The following ANKDD1B variants were observed in gnomAD, a reference collection of about 807,000 sequenced individuals.
The protein encoded by ANKDD1B is ankyrin repeat and death domain-containing protein 1B.
ANKDD1B carries 57 observed loss-of-function variants against 59.7 expected under a neutral mutation model. The ratio of observed to expected loss-of-function variants is 0.95; its 90% CI spans 0.77 to 1.19. The LOEUF (loss-of-function observed/expected upper bound fraction) is 1.19. Among genes scored for constraint, ANKDD1B ranks in the 50% most tolerant of loss-of-function variants. The pLI, the probability that ANKDD1B is intolerant of heterozygous loss-of-function variation, is 0.00. For synonymous variants in ANKDD1B, 216 were observed against 239.5 expected (o/e 0.90, Z 0.91); for missense variants, 602 against 641.9 (o/e 0.94, Z 0.67).
At chr5:75,661,415 A>AAAAAAAAAG (rs1775146249) in intron 10 of ANKDD1B, among the ~76,000 whole-genome samples, 2 of 138,346 alleles carry the variant, frequency 1.4e-5, no homozygotes, top group East Asian at 4.1e-4. Context: ...AAAAAAAAAA[A>AAAAAAAAAG]AAAAAAAAAA....
chr5:75,656,778 G>C (rs1774990420), intron 9 of ANKDD1B, among the ~76,000 whole-genome samples: 1 of 152,228 alleles, frequency 6.6e-6, no homozygotes, highest in Non-Finnish European at 1.5e-5. Context: ...AGCCTTTCCA[G>C]GGTCCCGAGG....
intron 1 of ANKDD1B, among the ~76,000 whole-genome samples, chr5:75,616,553 G>A (rs1001428064): frequency 1.3e-5 from 2 of 152,168 alleles, no homozygotes; most frequent in African/African-American, 4.8e-5. Context: ...CTTCAGGGTG[G>A]TCCTCATGAA....
At chr5:75,629,106 T>G (rs909022100) in intron 5 of ANKDD1B, among the ~76,000 whole-genome samples, 22 of 151,954 alleles carry the variant, frequency 1.4e-4, no homozygotes, top group Admixed American at 5.2e-4. Flanking sequence ...GGATAGTGAG[T>G]AGAAGGGGAC....
intron 10 of ANKDD1B, among the ~76,000 whole-genome samples, chr5:75,661,104 A>G (rs146767564): frequency 1.3e-5 from 2 of 151,654 alleles, no homozygotes; most frequent in Admixed American, 6.6e-5. Flanking sequence ...TCATAAAAAA[A>G]GTAACACAGA....
chr5:75,663,765 G>A (rs967331688), intron 11 of ANKDD1B, among the ~76,000 whole-genome samples: 2 of 152,222 alleles, frequency 1.3e-5, no homozygotes, highest in Non-Finnish European at 2.9e-5. Context: ...TAGCGTGTGA[G>A]CCCCTGATGG....
At chr5:75,620,799 C>T (rs1378285569) in intron 3 of ANKDD1B, among the ~76,000 whole-genome samples, 1 of 152,146 alleles carries the variant, frequency 6.6e-6, no homozygotes, top group Non-Finnish European at 1.5e-5. Flanking sequence ...TTAAACAGCT[C>T]AGGGGTAAGC....
At chr5:75,611,945 G>C in intron 1 of ANKDD1B, 118 bp downstream of exon 1, 2 of 874,634 alleles carry the variant, frequency 2.3e-6, no homozygotes, top group Non-Finnish European at 3.0e-6. Context: ...CTGGCGAGGC[G>C]ACTCAGCCCT....
intron 11 of ANKDD1B, among the ~76,000 whole-genome samples, chr5:75,665,620 C>CA (rs990336554): frequency 4.6e-5 from 7 of 152,186 alleles, no homozygotes. Context: ...ATGGGTAATT[C>CA]ACACCTCCCA....
At chr5:75,612,431 G>C (rs1247619248) in intron 1 of ANKDD1B, among the ~76,000 whole-genome samples, 1 of 141,914 alleles carries the variant, frequency 7.0e-6, no homozygotes, top group Non-Finnish European at 1.6e-5. Context: ...TCAGGCTCAG[G>C]TGATCCTCCC....
At chr5:75,648,413 G>T (rs1335737657) in intron 7 of ANKDD1B, among the ~76,000 whole-genome samples, 1 of 151,988 alleles carries the variant, frequency 6.6e-6, no homozygotes, top group Non-Finnish European at 1.5e-5. Context: ...GGCTTCCCAG[G>T]TTAGCAAGAC....
At chr5:75,623,765 C>T (rs754368535) in intron 3 of ANKDD1B, among the ~76,000 whole-genome samples, 2 of 152,194 alleles carry the variant, frequency 1.3e-5, no homozygotes, top group East Asian at 3.9e-4. Context: ...ATATTAACCT[C>T]CCCCCACCCA....
At chr5:75,667,348 C>G (rs1318495655) in intron 12 of ANKDD1B, among the ~76,000 whole-genome samples, 1 of 152,196 alleles carries the variant, frequency 6.6e-6, no homozygotes, top group Non-Finnish European at 1.5e-5. Context: ...GGAAGCCAAT[C>G]TGATTTCTAT....
At chr5:75,617,693 C>T (rs1284448259) in intron 2 of ANKDD1B, among the ~76,000 whole-genome samples, 1 of 152,118 alleles carries the variant, frequency 6.6e-6, no homozygotes, top group South Asian at 2.1e-4. Flanking sequence ...ACTGAGAGGG[C>T]TCTAGTAATA....
chr5:75,639,219 G>A (rs1475664506), intron 7 of ANKDD1B, among the ~76,000 whole-genome samples: 3 of 152,114 alleles, frequency 2.0e-5, no homozygotes, highest in East Asian at 1.9e-4. Context: ...TTTTTGAGAC[G>A]AAGCTTCACT....
At chr5:75,632,003 AG>A (rs1295654160) in intron 5 of ANKDD1B, among the ~76,000 whole-genome samples, 2 of 151,516 alleles carry the variant, frequency 1.3e-5, no homozygotes, top group African/African-American at 4.9e-5. Context: ...GTTACTTAGG[AG>A]GCTGACGCAG....
chr5:75,632,540 C>G (rs548240083), intron 5 of ANKDD1B, among the ~76,000 whole-genome samples: 12 of 152,232 alleles, frequency 7.9e-5, no homozygotes, highest in Admixed American at 2.6e-4. Context: ...GCACTGTGGC[C>G]AAGGGATAGG....
intron 5 of ANKDD1B, 121 bp downstream of exon 5, chr5:75,626,076 C>T (rs906695398): frequency 1.5e-5 from 10 of 683,078 alleles, no homozygotes; most frequent in Non-Finnish European, 2.5e-5. Context: ...TAGCCGGCTC[C>T]TCCATCACCA....
rs548000263 is a variant in ANKDD1B at position 75,620,167 on chromosome 5, C to A, written c.298-148C>A. 4 of 570,550 alleles carry A rather than the reference C, an allele frequency of 7.0e-6. No individual in the cohort carries two copies. The Admixed American group carries it at 1.3e-4, about 19-fold the overall frequency. 35.3% of individuals were successfully genotyped at this position (570,550 alleles called of 1,614,324 possible). On this transcript the variant is annotated intron_variant, in intron 2 of 13. Transcript: ENST00000601380. ...GCAGAATTCGGCTGGACACAATTCT[C>A]ATAACTTTCAAAGGTAAAGGCAAAG...
chr5:75,613,167 C>T (rs1561428659), intron 1 of ANKDD1B, among the ~76,000 whole-genome samples: 2 of 152,050 alleles, frequency 1.3e-5, no homozygotes, highest in Non-Finnish European at 2.9e-5. Flanking sequence ...TGGGTTGAGA[C>T]AAGACTGTGA....
Sources: allele counts gnomAD v4.1 joint callset (sites outside exome capture counted in the v4.1 genomes callset), GRCh38; gene constraint gnomAD v4.1.1; transcripts MANE v1.5; gene names NCBI Gene and HGNC (gene_info 2026-07-23, HGNC 2026-07-21).